AMBRA1: variants seen among roughly 807,000 people sequenced by gnomAD.
The protein encoded by AMBRA1 is activating molecule in BECN1-regulated autophagy protein 1.
Under a neutral mutation model 125.4 loss-of-function variants are expected in AMBRA1, and 47 were observed. The observed-to-expected ratio is 0.37, with a 90% confidence interval of 0.30 to 0.48. The LOEUF is 0.48. AMBRA1 is among the 20% of genes least tolerant of loss of function. The pLI is 0.99. For synonymous variants in AMBRA1, 626 were observed against 655.5 expected, an observed-to-expected ratio of 0.95 and a Z score of 0.69; for missense variants, 1,331 against 1,693.4, an observed-to-expected ratio of 0.79 and a Z score of 3.76.
At chr11:46,464,907 T>C (rs1365541647) in intron 11 of AMBRA1, among the ~76,000 whole-genome samples, 1 of 152,084 alleles carries the variant, frequency 6.6e-6, no homozygotes, top group African/African-American at 2.4e-5. Context: ...TAGCCAGGCA[T>C]GGTGGTGGGT....
At position 46,541,864 on chromosome 11, in the gene AMBRA1, A is replaced by G. The variant is rs1034469878; in HGVS notation, c.2072+81T>C. On this transcript the variant is annotated intron_variant, in intron 7 of 17. Transcript: ENST00000683756. ...CGTGGGTCCCAGACACTCCAGATAC[A>G]GCCACAACATCTATAGGACTCAAGG... 4 of 1,552,502 alleles carry G rather than the reference A, an allele frequency of 2.6e-6. No individual in the cohort carries two copies. The African/African-American group carries it at 4.2e-5, about 16-fold the overall frequency.
intron 9 of AMBRA1, among the ~76,000 whole-genome samples, chr11:46,501,268 G>A (rs1269741187): frequency 2.0e-5 from 3 of 152,106 alleles, no homozygotes; most frequent in African/African-American, 7.2e-5. Flanking sequence ...GTTTTCTCTG[G>A]GCATTCCAGT....
chr11:46,540,581 C>T (rs747877759), intron 7 of AMBRA1, among the ~76,000 whole-genome samples: 2 of 152,164 alleles, frequency 1.3e-5, no homozygotes, highest in Non-Finnish European at 2.9e-5. Context: ...ACCCAGGGCC[C>T]TTAGTAACTG....
rs190980302 is a variant in AMBRA1 at position 46,443,311 on chromosome 11, G to A, written c.2632+177C>T. Among the ~76,000 whole-genome samples, 14 of 152,310 alleles carry A rather than the reference G, an allele frequency of 9.2e-5. No individual in the cohort carries two copies. The East Asian group carries it at 2.7e-3, about 29-fold the overall frequency. On this transcript the variant is annotated intron_variant, in intron 12 of 17. Coordinates refer to ENST00000683756, the MANE Select transcript of AMBRA1 (RefSeq NM_001387011.1). ...CTTAATAGACTTAAGTGTATGGTATGGTTGATATCTGGTTAATGGACCTGA... is the reference window on the plus strand; with the variant it reads ...CTTAATAGACTTAAGTGTATGGTATAGTTGATATCTGGTTAATGGACCTGA...
At chr11:46,550,930 CAAAAA>C (rs1159824681) in intron 1 of AMBRA1, among the ~76,000 whole-genome samples, 1 of 64,904 alleles carries the variant, frequency 1.5e-5, no homozygotes, top group African/African-American at 5.3e-5. Flanking sequence ...ACTAAAAATA[CAAAAA>C]AAAAAAAAAA....
At chr11:46,408,729 A>C in intron 16 of AMBRA1, 23 bp from the exon 17 acceptor site, 1 of 1,503,482 alleles carries the variant, frequency 6.7e-7, no homozygotes, top group Non-Finnish European at 8.9e-7. Context: ...AGGCAGACTA[A>C]AGTCAGATGG....
chr11:46,452,691 A>G (rs1420509843), intron 11 of AMBRA1, among the ~76,000 whole-genome samples: 1 of 152,198 alleles, frequency 6.6e-6, no homozygotes, highest in Non-Finnish European at 1.5e-5. Context: ...AGAAAGGGGT[A>G]TAACTAAGTA....
chr11:46,480,427 T>C (rs775779359), intron 11 of AMBRA1, among the ~76,000 whole-genome samples: 2 of 152,102 alleles, frequency 1.3e-5, no homozygotes, highest in Non-Finnish European at 2.9e-5. Context: ...AGAAATGTCT[T>C]ATGCCACTAA....
rs56090695 is a variant in AMBRA1 at position 46,552,368 on chromosome 11, C to CAAAAAAAAAAAAAA, written c.-120-3882_-120-3869dup. On this transcript the variant is annotated intron_variant, in intron 1 of 17. Transcript: ENST00000683756. ...TGAGTGACAGAGTGAGACTCCATCT[C>CAAAAAAAAAAAAAA]AAAAAAAAAAAAAAAAAAAAAAAAA... 2.5e-4 allele frequency among the ~76,000 whole-genome samples: 3 copies of CAAAAAAAAAAAAAA among 11,994 alleles called. 1 individual carries two copies. The highest frequency in any genetic ancestry group is 7.3e-4 in the African/African-American group (3 of 4,100). 7.9% of individuals were successfully genotyped at this position (11,994 alleles called of 152,430 possible).
intron 14 of AMBRA1, among the ~76,000 whole-genome samples, chr11:46,420,239 G>A (rs1004866026): frequency 3.3e-5 from 5 of 152,096 alleles, no homozygotes; most frequent in African/African-American, 1.2e-4. Context: ...ACTCGTTAAG[G>A]CTCCTTAAAT....
intron 7 of AMBRA1, among the ~76,000 whole-genome samples, chr11:46,513,655 C>G (rs891026012): frequency 6.6e-6 from 1 of 152,134 alleles, no homozygotes; most frequent in East Asian, 1.9e-4. Flanking sequence ...TGCCTCAAAT[C>G]TCTATTTTGT....
intron 17 of AMBRA1, among the ~76,000 whole-genome samples, chr11:46,402,957 G>GA (rs1204028193): frequency 1.3e-5 from 2 of 152,170 alleles, no homozygotes; most frequent in Non-Finnish European, 2.9e-5. Context: ...TTCTTCAAGA[G>GA]AAAAAATACC....
chr11:46,407,095 C>T (rs1946058384), intron 17 of AMBRA1, among the ~76,000 whole-genome samples: 1 of 152,172 alleles, frequency 6.6e-6, no homozygotes, highest in Non-Finnish European at 1.5e-5. Flanking sequence ...AGGAGAATCA[C>T]TTGAACTCGG....
At chr11:46,523,324 A>C (rs891855435) in intron 7 of AMBRA1, among the ~76,000 whole-genome samples, 1 of 152,000 alleles carries the variant, frequency 6.6e-6, no homozygotes, top group Non-Finnish European at 1.5e-5. Flanking sequence ...TCAACATTTG[A>C]CTCTACTGAA....
chr11:46,448,760 C>G (rs1027773081), intron 11 of AMBRA1, among the ~76,000 whole-genome samples: 1 of 151,990 alleles, frequency 6.6e-6, no homozygotes, highest in Non-Finnish European at 1.5e-5. Context: ...GAAAGGGGGG[C>G]CATCACTACT....
rs1237079188 is a variant in AMBRA1, at chr11:46,433,702, C to G, written c.2822-74G>C. ...CAAGGAAACAACTTTCACTCTTACT[C>G]TTGTCTTTTTCTCTAATCTTCATAT... On this transcript the variant is annotated intron_variant, in intron 13 of 17. Transcript: ENST00000683756. 3 of 1,476,964 alleles carry G rather than the reference C, an allele frequency of 2.0e-6. No homozygotes were observed. The East Asian group carries it at 7.0e-5, about 35-fold the overall frequency. 91.5% of individuals were successfully genotyped at this position (1,476,964 alleles called of 1,614,324 possible). A position where few individuals can be genotyped will look rare whatever the true frequency, so the allele number is the denominator to read the frequency against.
At position 46,508,242 on chromosome 11, in the gene AMBRA1, T is replaced by C; in HGVS notation, c.2288A>G (p.Asp763Gly). The C allele has an allele frequency of 6.2e-7, 1 of 1,614,158 alleles. No homozygotes were observed. The highest frequency in any genetic ancestry group is 8.5e-7 in the Non-Finnish European group (1 of 1,180,010). The stretch of plus-strand genomic sequence containing the variant: ...TCCCTCTACTGATGGACCCTGGTTG[T>C]CTGAGGAAGAGGAGGAGGTGGAAGA... ...LRSSTSSSSS[D>G]NQGPSVEGTD... The change falls in exon 9 of 18, where the codon GAC (aspartate) becomes GGC (glycine). Residue 763 changes from aspartate to glycine, a missense_variant. By Grantham distance (94) the Asp-to-Gly change is moderately conservative. Coordinates refer to ENST00000683756, the MANE Select transcript of AMBRA1 (RefSeq NM_001387011.1).
At chr11:46,570,508 G>A (rs1392319549) in intron 1 of AMBRA1, among the ~76,000 whole-genome samples, 1 of 152,032 alleles carries the variant, frequency 6.6e-6, no homozygotes, top group Non-Finnish European at 1.5e-5. Context: ...ACATTCATTT[G>A]TAATACGAGG....
chr11:46,465,016 C>T (rs1590875018), intron 11 of AMBRA1, among the ~76,000 whole-genome samples: 2 of 152,024 alleles, frequency 1.3e-5, no homozygotes, highest in East Asian at 1.9e-4. Flanking sequence ...CGCACTCCAG[C>T]CTGGCGACAC....
Sources: allele counts gnomAD v4.1 joint callset (sites outside exome capture counted in the v4.1 genomes callset), GRCh38; gene constraint gnomAD v4.1.1; transcripts MANE v1.5; gene names NCBI Gene and HGNC (gene_info 2026-07-23, HGNC 2026-07-21).